Variants in BCAR1 observed in about 807,000 individuals in gnomAD.
The protein encoded by BCAR1 is breast cancer anti-estrogen resistance protein 1.
In BCAR1, 30 loss-of-function variants were observed where a neutral mutation model predicts 67.6. The observed-to-expected ratio is 0.44, with a 90% CI of 0.33 to 0.60. The LOEUF (loss-of-function observed/expected upper bound fraction) is 0.60, where lower values mean the gene tolerates loss of function less well. BCAR1 is among the 20% of genes least tolerant of loss of function. The pLI, the probability that BCAR1 is intolerant of heterozygous loss-of-function variation, is 0.02. For synonymous variants in BCAR1, 626 were observed against 556.7 expected (o/e 1.12, Z -1.75); for missense variants, 1,313 against 1,222.3 (o/e 1.07, Z -1.11).
At chr16:75,236,467 T>C (rs898972693) in intron 4 of BCAR1, 2 of 332,768 alleles carry the variant, frequency 6.0e-6, no homozygotes, top group Non-Finnish European at 1.1e-5. Context: ...ACGTGTGAAC[T>C]TTCTACTCTG....
chr16:75,243,226 A>C, intron 1 of BCAR1, 136 bp from the exon 2 acceptor site: 4 of 959,264 alleles, frequency 4.2e-6, no homozygotes, highest in Non-Finnish European at 6.2e-6. Flanking sequence ...TGGCGAGATC[A>C]TTGTGCCTTT....
chr16:75,230,855 G>C (rs2151388240), intron 6 of BCAR1, among the ~76,000 whole-genome samples: 1 of 152,276 alleles, frequency 6.6e-6, no homozygotes, highest in Non-Finnish European at 1.5e-5. Context: ...CGTTCCCTTA[G>C]CCAGTGAGAT....
upstream of BCAR1, chr16:75,252,304 C>T: frequency 6.5e-7 from 1 of 1,536,546 alleles, no homozygotes. Flanking sequence ...CCTCTCATTA[C>T]TCATTCCTAG....
In BCAR1 at chr16:75,234,164, GAC is replaced by G. The variant is rs60447098; in HGVS notation, c.2011-231_2011-230del. 7.8e-3 allele frequency among the ~76,000 whole-genome samples: 742 copies of G among 94,954 alleles called. 2 individuals carry two copies. Among genetic ancestry groups the G allele is most frequent in the African/African-American group, 0.016 (523 of 32,152 alleles). The allele number at this position is 94,954 out of a possible 152,430, so 62.3% of individuals were successfully genotyped here. ...TGGCACGTGCAGGGGCAGGCAGACA[GAC>G]ACACACACACACACACACACACACA... On this transcript the variant is annotated intron_variant, in intron 5 of 6. Transcript: ENST00000162330.
intron 4 of BCAR1, chr16:75,236,681 G>A: frequency 1.8e-6 from 2 of 1,104,728 alleles, no homozygotes; most frequent in South Asian, 5.2e-5. Flanking sequence ...CTCGCAACAG[G>A]CGGTTCTGCC....
intron 2 of BCAR1, chr16:75,239,202 C>T (rs972740009): frequency 8.7e-6 from 7 of 807,782 alleles, no homozygotes; most frequent in African/African-American, 1.9e-5. Context: ...CACCCTGCTG[C>T]ACACCTGAGA....
chr16:75,237,590 C>A (rs986525025), intron 2 of BCAR1, among the ~76,000 whole-genome samples: 1 of 152,208 alleles, frequency 6.6e-6, no homozygotes, highest in Non-Finnish European at 1.5e-5. Context: ...GGCCAGGACA[C>A]CAACGTCTCT....
intron 1 of BCAR1, among the ~76,000 whole-genome samples, chr16:75,258,986 A>G (rs1013264130): frequency 7.2e-5 from 11 of 152,238 alleles, no homozygotes; most frequent in African/African-American, 2.7e-4. Context: ...GGACGCAGGT[A>G]GCTTCTGCTG....
intron 1 of BCAR1, among the ~76,000 whole-genome samples, chr16:75,250,335 T>C (rs1461759423): frequency 6.6e-6 from 1 of 150,840 alleles, no homozygotes; most frequent in African/African-American, 2.5e-5. Context: ...CGACACCTGC[T>C]CTCACAGGCC....
rs1026266032 is a variant in BCAR1, at chr16:75,228,699, T to A, written c.*812A>T. The A allele has an allele frequency of 1.3e-5, 2 of 152,314 alleles. No homozygotes were observed. The highest frequency in any genetic ancestry group is 2.9e-5 in the Non-Finnish European group (2 of 68,078). 9.4% of individuals were successfully genotyped at this position (152,314 alleles called of 1,614,324 possible). Reference sequence around the variant, plus strand: ...CTGCCCTCACTCCAGATGCCAGCTGTGGGCATGGGCAGGTGCTCACTGTGG... The same window carrying A: ...CTGCCCTCACTCCAGATGCCAGCTGAGGGCATGGGCAGGTGCTCACTGTGG... On this transcript the variant is annotated 3_prime_UTR_variant, in exon 7 of 7. Coordinates refer to ENST00000162330, the MANE Select transcript of BCAR1 (RefSeq NM_014567.5).
chr16:75,237,967 T>A, intron 2 of BCAR1: 1 of 1,181,038 alleles, frequency 8.5e-7, no homozygotes, highest in South Asian at 1.3e-5. Flanking sequence ...CAAGGCCCCC[T>A]CCCTGCCGCG....
At chr16:75,237,580 G>A (rs953683435) in intron 2 of BCAR1, 1 of 507,872 alleles carries the variant, frequency 2.0e-6, no homozygotes, top group Non-Finnish European at 3.3e-6. Context: ...CCTCGTCCTG[G>A]GCCAGGACAC....
intron 1 of BCAR1, chr16:75,246,832 A>G (rs1283978554): frequency 1.3e-5 from 2 of 152,196 alleles, no homozygotes; most frequent in Admixed American, 6.5e-5. Flanking sequence ...GGCCTCCCGC[A>G]CTGCTGGGCC....
chr16:75,265,914 G>A (rs995049518), intron 1 of BCAR1: 1 of 1,110,538 alleles, frequency 9.0e-7, no homozygotes, highest in African/African-American at 1.7e-5. Context: ...GCCGCTCAGA[G>A]GCCCCGCGAG....
At chr16:75,260,225 G>A (rs1567625089) in intron 1 of BCAR1, among the ~76,000 whole-genome samples, 2 of 151,898 alleles carry the variant, frequency 1.3e-5, no homozygotes, top group Admixed American at 6.6e-5. Flanking sequence ...ACCCCAAAGT[G>A]CATCTACTGT....
chr16:75,248,454 C>T, intron 1 of BCAR1: 1 of 855,658 alleles, frequency 1.2e-6, no homozygotes, highest in Non-Finnish European at 1.5e-6. Context: ...CCCAACTGGC[C>T]ATCCGCACCC....
chr16:75,231,090 A>G (rs571155777), intron 6 of BCAR1, among the ~76,000 whole-genome samples: 10 of 147,830 alleles, frequency 6.8e-5, no homozygotes, highest in South Asian at 4.3e-4. Flanking sequence ...TCTGTCACCC[A>G]GGCTAATCTT....
chr16:75,251,133 GAGGC>G (rs1321800041), intron 1 of BCAR1, among the ~76,000 whole-genome samples: 2 of 152,168 alleles, frequency 1.3e-5, no homozygotes, highest in African/African-American at 4.8e-5. Flanking sequence ...CTGAGGCTCG[GAGGC>G]AGGGCGCAGA....
At chr16:75,241,605 C>CA (rs1184701487) in intron 2 of BCAR1, among the ~76,000 whole-genome samples, 1 of 152,232 alleles carries the variant, frequency 6.6e-6, no homozygotes, top group Non-Finnish European at 1.5e-5. Context: ...CCAGGTTCCC[C>CA]TGGTGGCCAG....
Sources: gnomAD v4.1 joint callset for allele counts (sites outside exome capture counted in the v4.1 genomes callset) on GRCh38, gnomAD v4.1.1 for gene constraint, MANE v1.5 for transcripts, NCBI Gene and HGNC (gene_info 2026-07-23, HGNC 2026-07-21) for gene names.